Variants in ZNF652 observed in about 807,000 individuals in gnomAD.
ZNF652 encodes the protein zinc finger protein 652.
ZNF652 carries 16 observed loss-of-function variants against 45.2 expected under a neutral mutation model. The ratio of observed to expected loss-of-function variants is 0.35; its 90% CI spans 0.24 to 0.54. ZNF652 has a LOEUF of 0.54. Ranked by LOEUF, ZNF652 falls within the 20% of genes least tolerant of loss-of-function variation. The pLI is 0.91. For missense variants in ZNF652, 614 were observed against 765.6 expected, an observed-to-expected ratio of 0.80 and a Z score of 2.34; for synonymous variants, 250 against 260.6, an observed-to-expected ratio of 0.96 and a Z score of 0.39.
Position 49,329,384 on chromosome 17 carries a change from T to C in ZNF652, c.-258-11401A>G, listed in dbSNP as rs193253502. Among the ~76,000 whole-genome samples the C allele has an allele frequency of 2.5e-3, 388 of 152,342 alleles. 1 individual carries two copies. Among genetic ancestry groups the C allele is most frequent in the African/African-American group, 8.6e-3 (356 of 41,584 alleles). On this transcript the variant is annotated intron_variant, in intron 1 of 5. Transcript: ENST00000430262. ...TACAGTATCAACGCATATTTATAAA[T>C]GTCCTTCATTTCCAAAGGTGCTCAC...
chr17:49,326,241 T>TAA (rs56916451), intron 1 of ZNF652, among the ~76,000 whole-genome samples: 22,779 of 93,552 alleles, frequency 0.24, 2,625 homozygotes, highest in Admixed American at 0.27. Flanking sequence ...ACCCCATCTC[T>TAA]AAAAAAAAAA....
intron 1 of ZNF652, among the ~76,000 whole-genome samples, chr17:49,346,550 TCAAA>T (rs60303275): frequency 0.36 from 54,132 of 151,726 alleles, 9,872 homozygotes; most frequent in Non-Finnish European, 0.38. Flanking sequence ...AAACTCCGTC[TCAAA>T]CAAACAAACA....
intron 1 of ZNF652, among the ~76,000 whole-genome samples, chr17:49,359,588 T>G (rs1056961331): frequency 1.3e-5 from 2 of 152,162 alleles, no homozygotes; most frequent in Non-Finnish European, 2.9e-5. Context: ...TTACTACCCA[T>G]TCCAACACTA....
Position 49,317,188 on chromosome 17 carries a change from T to A in ZNF652, c.538A>T (p.Lys180Ter). 6.2e-7 allele frequency: 1 copy of A among 1,613,634 alleles called. No individual in the cohort carries two copies. The highest frequency in any genetic ancestry group is 8.5e-7 in the Non-Finnish European group (1 of 1,179,994). Reference sequence around the variant, plus strand: ...GTAACGCTGACTTTCTCTACTATCTTCTCCTTTTTCTTCTGCTTTTCATTC... The same window carrying A: ...GTAACGCTGACTTTCTCTACTATCTACTCCTTTTTCTTCTGCTTTTCATTC... ...GENEKQKKKEKIVEKVSVTQR... is the reference protein window; with the variant it reads ...GENEKQKKKE Residue 180 changes from lysine (K) to a stop codon, truncating the protein, a stop_gained, in exon 2 of 6, where the codon AAG (lysine) becomes TAG (stop). Coordinates refer to ENST00000430262, the MANE Select transcript of ZNF652 (RefSeq NM_001145365.3). LOFTEE classifies it high-confidence loss of function.
At chr17:49,360,649 C>T (rs1341497506) in intron 1 of ZNF652, among the ~76,000 whole-genome samples, 1 of 152,154 alleles carries the variant, frequency 6.6e-6, no homozygotes, top group Non-Finnish European at 1.5e-5. Flanking sequence ...CACCACACAT[C>T]CCAGCAACAG....
At chr17:49,347,786 G>A (rs1359929028) in intron 1 of ZNF652, among the ~76,000 whole-genome samples, 1 of 129,648 alleles carries the variant, frequency 7.7e-6, no homozygotes, top group Non-Finnish European at 1.6e-5. Flanking sequence ...CTCTGTCACT[G>A]AGGCTGGAAA....
At chr17:49,327,726 AATAAATAT>A (rs1178463248) in intron 1 of ZNF652, among the ~76,000 whole-genome samples, 3 of 76,042 alleles carry the variant, frequency 3.9e-5, no homozygotes, top group South Asian at 6.0e-4. Flanking sequence ...CTTTTAAATA[AATAAATAT>A]ATATATATAT....
intron 5 of ZNF652, among the ~76,000 whole-genome samples, chr17:49,306,168 C>T (rs1054613426): frequency 1.3e-5 from 2 of 152,172 alleles, no homozygotes; most frequent in African/African-American, 4.8e-5. Flanking sequence ...CCAGTTTGGA[C>T]ACTCTGAATA....
At chr17:49,356,517 A>G (rs1011750253) in intron 1 of ZNF652, among the ~76,000 whole-genome samples, 1 of 151,444 alleles carries the variant, frequency 6.6e-6, no homozygotes, top group African/African-American at 2.4e-5. Flanking sequence ...AGCAAAACGT[A>G]TGACAGTAAA....
Position 49,293,655 on chromosome 17 carries a change from T to TAAAAA in ZNF652, c.*4753_*4757dup, listed in dbSNP as rs10609861. Among the ~76,000 whole-genome samples the TAAAAA allele has an allele frequency of 6.4e-5, 5 of 78,316 alleles. No individual in the cohort carries two copies. The highest frequency in any genetic ancestry group is 1.3e-4 in the African/African-American group (3 of 23,976). The allele number at this position is 78,316 out of a possible 152,430, so 51.4% of individuals were successfully genotyped here. On this transcript the variant is annotated 3_prime_UTR_variant, in exon 6 of 6. Transcript: ENST00000430262. ...CTAATGGCTTATGACCTTTCATTCC[T>TAAAAA]AAAAAAAAAAAAAAAAAAAAAAAAA... is the stretch of plus-strand genomic sequence containing the variant.
At chr17:49,304,471 C>T (rs1057334740) in intron 5 of ZNF652, among the ~76,000 whole-genome samples, 7 of 152,096 alleles carry the variant, frequency 4.6e-5, no homozygotes, top group African/African-American at 1.7e-4. Flanking sequence ...TCTGAAACCT[C>T]AAGTTTAAGA....
chr17:49,312,657 AG>A (rs780863094), intron 3 of ZNF652, 40 bp downstream of exon 3: 2 of 1,597,564 alleles, frequency 1.3e-6, no homozygotes, highest in South Asian at 2.3e-5. Context: ...CAGAAGAACA[AG>A]GGAAAATTAT....
chr17:49,354,724 CTT>C lies in ZNF652; in HGVS notation c.-259+7183_-259+7184del, dbSNP rs753964802. On this transcript the variant is annotated intron_variant, in intron 1 of 5. Coordinates refer to ENST00000430262, the MANE Select transcript of ZNF652 (RefSeq NM_001145365.3). Reference sequence around the variant, plus strand: ...ATTCTGAAAGTTACCTAGCTTATTTCTTTTTCTTTTTCTTTTTTTTGAGATGG... The same window carrying C: ...ATTCTGAAAGTTACCTAGCTTATTTCTTTCTTTTTCTTTTTTTTGAGATGG... Among the ~76,000 whole-genome samples the C allele has an allele frequency of 7.2e-5, 11 of 151,850 alleles. No individual in the cohort carries two copies. In the South Asian group the frequency reaches 2.1e-3, roughly 29 times the overall value.
In ZNF652 at chr17:49,361,625, A is replaced by G. The variant is rs1342737625; in HGVS notation, c.-259+284T>C. ...CAGCCTCCCCTCAGGCCTCAGGGCG[A>G]GCGGACCCGCTGCAAAACTGCAGCC... On this transcript the variant is annotated intron_variant, in intron 1 of 5. Transcript: ENST00000430262. Among the ~76,000 whole-genome samples, 8 of 151,980 alleles carry G rather than the reference A, an allele frequency of 5.3e-5. No individual in the cohort carries two copies. The East Asian group carries it at 1.5e-3, about 29-fold the overall frequency.
At chr17:49,356,459 C>CAA (rs59499602) in intron 1 of ZNF652, among the ~76,000 whole-genome samples, 436 of 123,044 alleles carry the variant, frequency 3.5e-3, no homozygotes, top group Middle Eastern at 8.8e-3. Flanking sequence ...AAATCAAAAC[C>CAA]AAAAAAAAAA....
chr17:49,311,509 G>A, intron 4 of ZNF652, 53 bp from the exon 5 acceptor site: 4 of 1,580,014 alleles, frequency 2.5e-6, no homozygotes, highest in Non-Finnish European at 3.5e-6. Context: ...AGCTTTACCT[G>A]AGCCCACCCT....
At chr17:49,355,405 T>C (rs190805425) in intron 1 of ZNF652, among the ~76,000 whole-genome samples, 24 of 147,112 alleles carry the variant, frequency 1.6e-4, no homozygotes, top group African/African-American at 5.0e-4. Flanking sequence ...CTAGGCAACA[T>C]AGTGAGGGAA....
chr17:49,333,722 GAAA>G (rs749640282), intron 1 of ZNF652, among the ~76,000 whole-genome samples: 7 of 56,570 alleles, frequency 1.2e-4, no homozygotes, highest in African/African-American at 1.9e-4. Flanking sequence ...TCTGTCTCAA[GAAA>G]AAAAAAAAAA....
At chr17:49,321,687 C>G (rs1293736617) in intron 1 of ZNF652, among the ~76,000 whole-genome samples, 2 of 151,964 alleles carry the variant, frequency 1.3e-5, no homozygotes, top group Non-Finnish European at 1.5e-5. Flanking sequence ...TACCAAAAAG[C>G]CTAAAATATA....
Sources: allele counts gnomAD v4.1 joint callset (sites outside exome capture counted in the v4.1 genomes callset), GRCh38; gene constraint gnomAD v4.1.1; transcripts MANE v1.5; gene names NCBI Gene and HGNC (gene_info 2026-07-23, HGNC 2026-07-21).